The following FMN1 variants were observed in gnomAD, a reference collection of about 807,000 sequenced individuals.
FMN1 encodes the protein formin-1.
FMN1 carries 110 observed loss-of-function variants against 132.4 expected under a neutral mutation model. The ratio of observed to expected loss-of-function variants is 0.83; its 90% CI spans 0.71 to 0.97. FMN1 has a LOEUF of 0.97. FMN1 is among the 50% of genes least tolerant of loss of function. The probability of loss-of-function intolerance (pLI) is 0.00; values close to 1 mark genes in which losing one functional copy is unlikely to be tolerated. For missense variants in FMN1, 1,792 were observed against 1,705.3 expected, an observed-to-expected ratio of 1.05 and a Z score of -0.90; for synonymous variants, 722 against 651.7, an observed-to-expected ratio of 1.11 and a Z score of -1.64.
chr15:32,860,568 AC>A (rs2059246203), intron 16 of FMN1: 1 of 152,202 alleles, frequency 6.6e-6, no homozygotes, highest in Admixed American at 6.5e-5. Context: ...TGAGAGGATC[AC>A]CTGAACCCAG....
intron 16 of FMN1, 55 bp downstream of exon 16, chr15:32,888,117 C>T (rs1334499203): frequency 1.4e-6 from 2 of 1,478,304 alleles, no homozygotes; most frequent in Non-Finnish European, 1.8e-6. Context: ...CCTCTTAAAA[C>T]ATTTTTTAAA....
At chr15:32,780,713 G>A (rs142915967) in intron 19 of FMN1, among the ~76,000 whole-genome samples, 164 of 152,276 alleles carry the variant, frequency 1.1e-3, no homozygotes, top group African/African-American at 3.9e-3. Flanking sequence ...GGCAACCACA[G>A]AAGGGACTAT....
intron 17 of FMN1, among the ~76,000 whole-genome samples, chr15:32,822,998 C>T (rs1179222963): frequency 1.3e-5 from 2 of 152,058 alleles, no homozygotes; most frequent in Non-Finnish European, 2.9e-5. Flanking sequence ...CAATATGCTG[C>T]AGCTACTCTA....
chr15:32,916,455 G>C (rs1294291205), intron 10 of FMN1, among the ~76,000 whole-genome samples: 1 of 152,320 alleles, frequency 6.6e-6, no homozygotes, highest in Non-Finnish European at 1.5e-5. Flanking sequence ...TGAGCAAGAA[G>C]CATGGGACAC....
intron 6 of FMN1, among the ~76,000 whole-genome samples, chr15:33,015,085 A>G (rs1421456707): frequency 6.6e-6 from 1 of 152,318 alleles, no homozygotes; most frequent in Admixed American, 6.5e-5. Context: ...ACCACATGCT[A>G]GTTAAGTGCC....
In FMN1 at chr15:32,960,198, C is replaced by T. The variant is rs11856088; in HGVS notation, c.3138+3909G>A. 4.6e-3 allele frequency among the ~76,000 whole-genome samples: 705 copies of T among 152,246 alleles called. 9 individuals carry two copies. The highest frequency in any genetic ancestry group is 0.016 in the African/African-American group (671 of 41,536). ...CTTACTATTTGTATTAATCCATTTT[C>T]GCACTGCTATAAAGATACTACCAAC... is the stretch of plus-strand genomic sequence containing the variant. On this transcript the variant is annotated intron_variant, in intron 9 of 20. Coordinates refer to ENST00000616417, the MANE Select transcript of FMN1 (RefSeq NM_001277313.2).
At chr15:32,977,091 T>G (rs1260581707) in intron 7 of FMN1, among the ~76,000 whole-genome samples, 1 of 152,238 alleles carries the variant, frequency 6.6e-6, no homozygotes, top group Admixed American at 6.5e-5. Flanking sequence ...CCAGTAATAC[T>G]AACTCATAAT....
intron 4 of FMN1, among the ~76,000 whole-genome samples, chr15:33,139,349 C>T (rs1381609529): frequency 3.3e-5 from 5 of 152,236 alleles, no homozygotes; most frequent in Non-Finnish European, 7.3e-5. Context: ...GTAATCTCAG[C>T]ACTTTGGGAG....
intron 9 of FMN1, among the ~76,000 whole-genome samples, chr15:32,927,284 T>A (rs1259773304): frequency 6.6e-6 from 1 of 152,190 alleles, no homozygotes. Context: ...TGAGATAGTA[T>A]CCAGCGCCGT....
At chr15:33,094,735 A>G (rs1483100845) in intron 4 of FMN1, among the ~76,000 whole-genome samples, 1 of 152,138 alleles carries the variant, frequency 6.6e-6, no homozygotes, top group East Asian at 1.9e-4. Flanking sequence ...TATTTTATTA[A>G]CCTCCTTCCA....
intron 4 of FMN1, among the ~76,000 whole-genome samples, chr15:33,116,853 T>C (rs1361278772): frequency 5.9e-5 from 9 of 152,040 alleles, no homozygotes; most frequent in Non-Finnish European, 1.0e-4. Context: ...ATAGAGAAAA[T>C]GGAAATAACA....
intron 4 of FMN1, among the ~76,000 whole-genome samples, chr15:33,132,703 G>C (rs894984105): frequency 6.6e-6 from 1 of 152,062 alleles, no homozygotes; most frequent in Non-Finnish European, 1.5e-5. Context: ...AGAACTTCGG[G>C]GGCCTTGGTG....
At chr15:32,822,288 G>A (rs1216437214) in intron 17 of FMN1, among the ~76,000 whole-genome samples, 2 of 152,208 alleles carry the variant, frequency 1.3e-5, no homozygotes, top group African/African-American at 2.4e-5. Context: ...GGTGGAGGTT[G>A]CAGTGAGCCG....
chr15:33,192,369 C>A (rs903933727), intron 2 of FMN1, among the ~76,000 whole-genome samples: 1 of 152,212 alleles, frequency 6.6e-6, no homozygotes, highest in African/African-American at 2.4e-5. Context: ...GAGACCTACC[C>A]TTAGACAATC....
intron 12 of FMN1, among the ~76,000 whole-genome samples, chr15:32,904,726 T>TA (rs143411196): frequency 3.2e-3 from 491 of 152,084 alleles, no homozygotes; most frequent in Non-Finnish European, 5.4e-3. Flanking sequence ...AGGAAAAAAA[T>TA]AGAGTTTTAT....
chr15:32,803,681 A>C (rs1049510780), intron 18 of FMN1, among the ~76,000 whole-genome samples: 25 of 152,170 alleles, frequency 1.6e-4, no homozygotes, highest in African/African-American at 5.6e-4. Flanking sequence ...AGCTGAGGAA[A>C]GACATAATAA....
chr15:33,056,782 G>C (rs139725705), intron 6 of FMN1, among the ~76,000 whole-genome samples: 1 of 152,178 alleles, frequency 6.6e-6, no homozygotes, highest in African/African-American at 2.4e-5. Flanking sequence ...GAAAATAAAT[G>C]AACTACAGGT....
intron 6 of FMN1, among the ~76,000 whole-genome samples, chr15:33,058,533 C>A (rs1008738917): frequency 3.9e-5 from 6 of 152,210 alleles, no homozygotes; most frequent in African/African-American, 7.2e-5. Context: ...TTCCAAGAAT[C>A]CACAGCCTAG....
chr15:33,079,834 T>C (rs1365799712), intron 5 of FMN1, among the ~76,000 whole-genome samples: 1 of 152,240 alleles, frequency 6.6e-6, no homozygotes, highest in Non-Finnish European at 1.5e-5. Context: ...AGATTACTTT[T>C]TTTTTCAACT....
Sources: allele counts gnomAD v4.1 joint callset (sites outside exome capture counted in the v4.1 genomes callset), GRCh38; gene constraint gnomAD v4.1.1; transcripts MANE v1.5; gene names NCBI Gene and HGNC (gene_info 2026-07-23, HGNC 2026-07-21).